The following PCDH11X variants were observed in gnomAD, a reference collection of about 807,000 sequenced individuals.
PCDH11X encodes protocadherin 11 X-linked.
Under a neutral mutation model 53.3 loss-of-function variants are expected in PCDH11X, and 18 were observed. That is an observed-to-expected ratio of 0.34 (90% CI 0.23 to 0.50). The LOEUF is 0.50. Ranked by LOEUF, PCDH11X falls within the 20% of genes least tolerant of loss-of-function variation. The pLI, the probability that PCDH11X is intolerant of heterozygous loss-of-function variation, is 0.98. For missense variants in PCDH11X, 570 were observed against 1,032.4 expected (o/e 0.55, Z 6.14); for synonymous variants, 279 against 393.3 (o/e 0.71, Z 3.44).
chrX:92,610,039 C>T (rs1297457245), intron 10 of PCDH11X, among the ~76,000 whole-genome samples: 2 of 111,874 alleles, frequency 1.8e-5, no homozygotes, highest in African/African-American at 3.2e-5. Context: ...CTATTGTGAA[C>T]AGTGCTGTGT....
intron 8 of PCDH11X, among the ~76,000 whole-genome samples, chrX:92,312,024 T>C (rs1301206498): frequency 1.8e-5 from 2 of 111,302 alleles, no homozygotes; most frequent in African/African-American, 6.5e-5. Context: ...AAATTAAGTA[T>C]ATGTATTCTG....
At chrX:92,118,905 C>T (rs1442903846) in intron 6 of PCDH11X, among the ~76,000 whole-genome samples, 1 of 105,563 alleles carries the variant, frequency 9.5e-6, no homozygotes, top group African/African-American at 3.5e-5. Flanking sequence ...CCACGCCCAG[C>T]TAATTTTTTG....
At chrX:91,887,982 C>T (rs1314794031) in intron 6 of PCDH11X, among the ~76,000 whole-genome samples, 4 of 111,333 alleles carry the variant, frequency 3.6e-5, no homozygotes, top group Non-Finnish European at 7.5e-5. Context: ...CCAAAAGTTC[C>T]CTTAGAACAA....
chrX:91,831,920 G>A (rs1412773634), intron 4 of PCDH11X, among the ~76,000 whole-genome samples: 1 of 101,276 alleles, frequency 9.9e-6, no homozygotes, highest in Admixed American at 1.1e-4. Flanking sequence ...ACTAGAGGGT[G>A]AATATTCCTT....
chrX:92,152,052 C>T lies in PCDH11X; in HGVS notation c.3034-49323C>T, dbSNP rs760540104. ...GTTTGGCACTTATATCTTTTGACTT[C>T]AGTATTCCAATTTTTGAATGGGCCT... On this transcript the variant is annotated intron_variant, in intron 6 of 10. Transcript: ENST00000682573. 2.4e-3 allele frequency among the ~76,000 whole-genome samples: 202 copies of T among 84,050 alleles called. 1 individual carries two copies. The highest frequency in any genetic ancestry group is 5.3e-3 in the Middle Eastern group (1 of 187). 73.0% of individuals were successfully genotyped at this position (84,050 alleles called of 115,157 possible). A position where few individuals can be genotyped will look rare whatever the true frequency, so the allele number is the denominator to read the frequency against.
chrX:91,783,372 C>A (rs1280660384), intron 1 of PCDH11X, among the ~76,000 whole-genome samples: 1 of 111,910 alleles, frequency 8.9e-6, no homozygotes, highest in Non-Finnish European at 1.9e-5. Context: ...TGTCACCGGA[C>A]TGGATTCTGA....
At position 92,257,431 on chromosome X, in the gene PCDH11X, C is replaced by T. The variant is rs773288403; in HGVS notation, c.3115-5683C>T. Among the ~76,000 whole-genome samples the T allele has an allele frequency of 1.1e-4, 12 of 111,586 alleles. No homozygotes were observed. The South Asian group carries it at 4.2e-3, about 39-fold the overall frequency. On this transcript the variant is annotated intron_variant, in intron 7 of 10. Transcript: ENST00000682573. ...ATAAAATCATGCTTCCCAACAGTCC[C>T]CCAGTGTCTTAATTCATTCCAGCAT...
At chrX:92,581,198 T>C (rs1824375022) in intron 10 of PCDH11X, among the ~76,000 whole-genome samples, 2 of 112,091 alleles carry the variant, frequency 1.8e-5, no homozygotes, top group Non-Finnish European at 3.8e-5. Context: ...TGGATACTTA[T>C]ACATAGACAA....
chrX:92,195,473 T>C (rs1243547112), intron 6 of PCDH11X, among the ~76,000 whole-genome samples: 3 of 111,537 alleles, frequency 2.7e-5, no homozygotes, highest in Non-Finnish European at 5.7e-5. Flanking sequence ...TCCACATTTC[T>C]CTTGGGTCTA....
intron 8 of PCDH11X, among the ~76,000 whole-genome samples, chrX:92,318,717 G>A (rs2755357): frequency 0.13 from 14,390 of 110,474 alleles, 745 homozygotes; most frequent in African/African-American, 0.17. Context: ...CTGTTTCACT[G>A]TCTTTCTAAT....
At chrX:92,534,416 A>C (rs2074618344) in intron 10 of PCDH11X, among the ~76,000 whole-genome samples, 1 of 111,733 alleles carries the variant, frequency 8.9e-6, no homozygotes. Flanking sequence ...GAAAAGACCA[A>C]ATCTACGTTT....
At chrX:91,821,595 G>A (rs1936685426) in intron 4 of PCDH11X, among the ~76,000 whole-genome samples, 1 of 106,416 alleles carries the variant, frequency 9.4e-6, no homozygotes, top group Middle Eastern at 4.7e-3. Context: ...GGGTTTTCTA[G>A]ATATACAATC....
intron 10 of PCDH11X, among the ~76,000 whole-genome samples, chrX:92,539,711 A>G (rs925605655): frequency 1.5e-4 from 17 of 111,776 alleles, no homozygotes; most frequent in African/African-American, 5.5e-4. Flanking sequence ...AGTCTTTGCA[A>G]TTTGAGCTTG....
chrX:92,234,020 A>T (rs949829852), intron 7 of PCDH11X, among the ~76,000 whole-genome samples: 2 of 112,108 alleles, frequency 1.8e-5, no homozygotes, highest in Non-Finnish European at 3.8e-5. Flanking sequence ...CTAAACCTTG[A>T]TGTTGAAGGA....
intron 6 of PCDH11X, among the ~76,000 whole-genome samples, chrX:91,887,921 A>G (rs1940305593): frequency 8.9e-6 from 1 of 111,820 alleles, no homozygotes; most frequent in Middle Eastern, 4.7e-3. Context: ...AAAAATATCA[A>G]GTCTTGATGA....
chrX:92,376,564 G>A (rs2070758623), intron 8 of PCDH11X, among the ~76,000 whole-genome samples: 1 of 111,335 alleles, frequency 9.0e-6, no homozygotes. Flanking sequence ...ATGTCTATTA[G>A]GATTTTAAGC....
chrX:91,971,283 A>G (rs1483858678), intron 6 of PCDH11X, among the ~76,000 whole-genome samples: 1 of 109,983 alleles, frequency 9.1e-6, no homozygotes, highest in Non-Finnish European at 1.9e-5. Flanking sequence ...ATACTTTAGT[A>G]AAACAAAATA....
intron 10 of PCDH11X, among the ~76,000 whole-genome samples, chrX:92,513,423 G>A (rs914282128): frequency 3.6e-5 from 4 of 110,654 alleles, no homozygotes; most frequent in African/African-American, 9.8e-5. Flanking sequence ...TTATGGAATT[G>A]ATAAGAATAA....
intron 6 of PCDH11X, among the ~76,000 whole-genome samples, chrX:91,905,957 A>G (rs1941141234): frequency 1.8e-5 from 2 of 111,750 alleles, no homozygotes; most frequent in African/African-American, 6.5e-5. Flanking sequence ...TCATGCATAT[A>G]ATTAGTCATT....
Sources: gnomAD v4.1 joint callset for allele counts (sites outside exome capture counted in the v4.1 genomes callset) on GRCh38, gnomAD v4.1.1 for gene constraint, MANE v1.5 for transcripts, NCBI Gene and HGNC (gene_info 2026-07-23, HGNC 2026-07-21) for gene names.